MBTPS2: variants seen among roughly 807,000 people sequenced by gnomAD.
MBTPS2 encodes the protein membrane-bound transcription factor site-2 protease.
MBTPS2 carries 2 observed loss-of-function variants against 35.4 expected under a neutral mutation model. The observed-to-expected ratio is 0.06, with a 90% CI of 0.02 to 0.18. The LOEUF (loss-of-function observed/expected upper bound fraction) is 0.18, where lower values mean the gene tolerates loss of function less well. Ranked by LOEUF, MBTPS2 falls within the 10% of genes least tolerant of loss-of-function variation. The pLI, the probability that MBTPS2 is intolerant of heterozygous loss-of-function variation, is 1.00. For missense variants in MBTPS2, 244 were observed against 386.5 expected, an observed-to-expected ratio of 0.63 and a Z score of 3.09; for synonymous variants, 125 against 140.4, an observed-to-expected ratio of 0.89 and a Z score of 0.77.
At chrX:21,867,759 C>G (rs986672084) in intron 5 of MBTPS2, among the ~76,000 whole-genome samples, 1 of 109,093 alleles carries the variant, frequency 9.2e-6, no homozygotes, top group South Asian at 4.0e-4. Flanking sequence ...CAGCCTCAGC[C>G]TCACAAGCAA....
chrX:21,856,862 G>A (rs755928626), intron 5 of MBTPS2: 78 of 1,209,520 alleles, frequency 6.4e-5, no homozygotes, highest in Admixed American at 1.3e-4. Flanking sequence ...TGTCGGCCTC[G>A]GCGGCATCAA....
At chrX:21,869,076 G>A (rs1293748073) in intron 6 of MBTPS2, among the ~76,000 whole-genome samples, 1 of 112,064 alleles carries the variant, frequency 8.9e-6, no homozygotes, top group African/African-American at 3.2e-5. Context: ...TTACCTTTGT[G>A]AGCAATTGGC....
At chrX:21,844,751 A>C (rs761635612) in intron 2 of MBTPS2, among the ~76,000 whole-genome samples, 1 of 112,239 alleles carries the variant, frequency 8.9e-6, no homozygotes, top group African/African-American at 3.2e-5. Flanking sequence ...ATTAAATTAT[A>C]CCATGTTAAT....
At chrX:21,857,507 C>T in intron 5 of MBTPS2, 1 of 1,212,076 alleles carries the variant, frequency 8.3e-7, no homozygotes, top group Non-Finnish European at 1.1e-6. Flanking sequence ...ATAAGCCCTT[C>T]GTGTGCCCCT....
In MBTPS2 at chrX:21,884,365, A is replaced by G; in HGVS notation, c.*1710A>G. 1.5e-6 allele frequency: 1 copy of G among 668,182 alleles called. No individual in the cohort carries two copies. The highest frequency in any genetic ancestry group is 2.4e-5 in the African/African-American group (1 of 42,154). The allele number at this position is 668,182 out of a possible 1,213,427, so 55.1% of individuals were successfully genotyped here. On this transcript the variant is annotated 3_prime_UTR_variant, in exon 11 of 11. Coordinates refer to ENST00000379484, the MANE Select transcript of MBTPS2 (RefSeq NM_015884.4). ...GCTTGGAGAATGCCATGAAATACTT[A>G]TATAATTAATTTGATTGCATGAACT...
chrX:21,876,286 C>T (rs2092952968), intron 7 of MBTPS2, among the ~76,000 whole-genome samples: 1 of 111,637 alleles, frequency 9.0e-6, no homozygotes, highest in East Asian at 2.8e-4. Flanking sequence ...CAGAACAGGC[C>T]AGCTCAGTGG....
chrX:21,883,440 C>T lies in MBTPS2; in HGVS notation c.*785C>T. ...GAGGGAGGCAGTTGGGGTTGAACTT[C>T]GGAACTAGGCCGGGTCTCCTGACAG... On this transcript the variant is annotated 3_prime_UTR_variant, in exon 11 of 11. Coordinates refer to ENST00000379484, the MANE Select transcript of MBTPS2 (RefSeq NM_015884.4). 1.3e-6 allele frequency: 1 copy of T among 754,402 alleles called. No individual in the cohort carries two copies. The allele number at this position is 754,402 out of a possible 1,213,427, so 62.2% of individuals were successfully genotyped here. A position where few individuals can be genotyped will look rare whatever the true frequency, so the allele number is the denominator to read the frequency against.
At chrX:21,856,461 C>T in intron 5 of MBTPS2, 2 of 1,190,395 alleles carry the variant, frequency 1.7e-6, no homozygotes, top group Non-Finnish European at 2.3e-6. Flanking sequence ...TTCCCGTTGC[C>T]GCTAACCTAA....
intron 5 of MBTPS2, among the ~76,000 whole-genome samples, chrX:21,853,924 A>G (rs887516520): frequency 5.4e-5 from 6 of 111,566 alleles, no homozygotes; most frequent in Admixed American, 1.9e-4. Flanking sequence ...TCAGAGTTCA[A>G]TCAGAGAAAC....
chrX:21,864,692 G>A (rs2092937361), intron 5 of MBTPS2, among the ~76,000 whole-genome samples: 1 of 109,625 alleles, frequency 9.1e-6, no homozygotes, highest in African/African-American at 3.3e-5. Context: ...GCATGGTGGT[G>A]CATGCCTGTG....
intron 2 of MBTPS2, among the ~76,000 whole-genome samples, chrX:21,844,658 C>G (rs746684558): frequency 8.9e-6 from 1 of 112,336 alleles, no homozygotes; most frequent in Non-Finnish European, 1.9e-5. Context: ...GCACAACTTA[C>G]CAAAGTTAGA....
chrX:21,869,672 G>A lies in MBTPS2; in HGVS notation c.964G>A (p.Val322Ile), dbSNP rs1467226798. ...ASTLQQLSFPVRAYKRLDGST... is the reference protein window; with the variant it reads ...ASTLQQLSFPIRAYKRLDGST... ...AACTTTACAGCAGTTAAGTTTCCCA[G>A]TTAGAGGTGTGTATATTTCCTCAAT... is the stretch of plus-strand genomic sequence containing the variant. The change falls in exon 7 of 11, where the codon GTT (valine) becomes ATT (isoleucine). Residue 322 changes from valine (V) to isoleucine (I), a missense_variant. Coordinates refer to ENST00000379484, the MANE Select transcript of MBTPS2 (RefSeq NM_015884.4). 8.3e-7 allele frequency: 1 copy of A among 1,198,035 alleles called. No individual in the cohort carries two copies.
intron 5 of MBTPS2, among the ~76,000 whole-genome samples, chrX:21,863,743 A>T (rs1343671174): frequency 9.0e-6 from 1 of 111,575 alleles, no homozygotes; most frequent in Non-Finnish European, 1.9e-5. Flanking sequence ...ATGGTATAGA[A>T]CTAACTAGTC....
chrX:21,845,539 G>T (rs1490450240), intron 3 of MBTPS2, among the ~76,000 whole-genome samples, 155 bp downstream of exon 3: 1 of 111,793 alleles, frequency 8.9e-6, no homozygotes, highest in Non-Finnish European at 1.9e-5. Flanking sequence ...AAATTAATAA[G>T]AATACAGCAA....
intron 3 of MBTPS2, among the ~76,000 whole-genome samples, chrX:21,847,790 C>G (rs1202508357): frequency 2.7e-5 from 3 of 111,756 alleles, no homozygotes; most frequent in Non-Finnish European, 5.6e-5. Context: ...AAGTATAATA[C>G]TGGAAAGATG....
chrX:21,853,332 T>C, intron 4 of MBTPS2, 44 bp from the exon 5 acceptor site: 2 of 957,520 alleles, frequency 2.1e-6, no homozygotes, highest in Non-Finnish European at 1.5e-6. Context: ...ATTTGATAAA[T>C]ATAATAGTAT....
chrX:21,850,398 A>G (rs2092913531), intron 3 of MBTPS2, among the ~76,000 whole-genome samples: 1 of 111,620 alleles, frequency 9.0e-6, no homozygotes, highest in Non-Finnish European at 1.9e-5. Context: ...CAATGGTTTT[A>G]TATGTGTATG....
Position 21,882,886 on chromosome X carries a change from A to G in MBTPS2, c.*231A>G, listed in dbSNP as rs1221526849. On this transcript the variant is annotated 3_prime_UTR_variant, in exon 11 of 11. Coordinates refer to ENST00000379484, the MANE Select transcript of MBTPS2 (RefSeq NM_015884.4). ...TGACTATATTCTAATTTAGGACTGA[A>G]TGTACCCAGATGCTTGTGGAATAAT... The G allele has an allele frequency of 9.6e-7, 1 of 1,043,007 alleles. No individual in the cohort carries two copies. The highest frequency in any genetic ancestry group is 3.6e-5 in the East Asian group (1 of 27,544). The allele number at this position is 1,043,007 out of a possible 1,213,427, so 86.0% of individuals were successfully genotyped here.
At chrX:21,852,254 T>C (rs1022439411) in intron 4 of MBTPS2, among the ~76,000 whole-genome samples, 3 of 111,800 alleles carry the variant, frequency 2.7e-5, no homozygotes, top group Admixed American at 1.9e-4. Context: ...ATAACTCCCC[T>C]GCTACCTCCA....
Sources: allele counts gnomAD v4.1 joint callset (sites outside exome capture counted in the v4.1 genomes callset), GRCh38; gene constraint gnomAD v4.1.1; transcripts MANE v1.5; gene names NCBI Gene and HGNC (gene_info 2026-07-23, HGNC 2026-07-21).